DLX6: variants seen among roughly 807,000 people sequenced by gnomAD.
DLX6 encodes homeobox protein DLX-6.
DLX6 carries 4 observed loss-of-function variants against 33.5 expected under a neutral mutation model. The ratio of observed to expected loss-of-function variants is 0.12; its 90% CI spans 0.06 to 0.27. The LOEUF is 0.27. Ranked by LOEUF, DLX6 falls within the 10% of genes least tolerant of loss-of-function variation. DLX6 has a pLI of 1.00. For missense variants in DLX6, 382 were observed against 393.3 expected (o/e 0.97, Z 0.24); for synonymous variants, 184 against 164.8 (o/e 1.12, Z -0.89).
intron 2 of DLX6, among the ~76,000 whole-genome samples, chr7:97,008,550 A>G (rs934668273): frequency 2.0e-5 from 3 of 152,228 alleles, no homozygotes; most frequent in Admixed American, 6.5e-5. Context: ...AAGTTCTCCC[A>G]TCCTACTAAT....
chr7:97,010,372 T>A lies in DLX6; in HGVS notation c.*325T>A. ...ATCTCAGAGAGAGAGAAAGAGCATGTGTGAGAGAGAAACTGGTTTCTATGC... is the reference window on the plus strand; with the variant it reads ...ATCTCAGAGAGAGAGAAAGAGCATGAGTGAGAGAGAAACTGGTTTCTATGC... On this transcript the variant is annotated 3_prime_UTR_variant, in exon 3 of 3. Transcript: ENST00000518156. 1 of 256,220 alleles carries A rather than the reference T, an allele frequency of 3.9e-6. No individual in the cohort carries two copies. The highest frequency in any genetic ancestry group is 9.8e-5 in the South Asian group (1 of 10,192). 15.9% of individuals were successfully genotyped at this position (256,220 alleles called of 1,614,324 possible).
Position 97,010,752 on chromosome 7 carries a change from C to T in DLX6, c.*705C>T, listed in dbSNP as rs887724053. The T allele has an allele frequency of 6.6e-6, 1 of 151,050 alleles. No homozygotes were observed. Among genetic ancestry groups the T allele is most frequent in the Non-Finnish European group, 1.5e-5 (1 of 67,764 alleles). The allele number at this position is 151,050 out of a possible 1,614,324, so 9.4% of individuals were successfully genotyped here. On this transcript the variant is annotated 3_prime_UTR_variant, in exon 3 of 3. Coordinates refer to ENST00000518156, the MANE Select transcript of DLX6 (RefSeq NM_005222.4). The stretch of plus-strand genomic sequence containing the variant: ...GAATGCTGCATGTTTTATCAAAATG[C>T]AATGACCAGGAATGATGGTTGATTA...
At position 97,006,313 on chromosome 7, in the gene DLX6, G is replaced by C. The variant is rs1789729093; in HGVS notation, c.336G>C (p.Ser112=). Reference sequence around the variant, plus strand: ...GAGGGAACTCCTACAACCACCGCTCGCTCGCCGCCTACCCCTACATGAGCC... The same window carrying C: ...GAGGGAACTCCTACAACCACCGCTCCCTCGCCGCCTACCCCTACATGAGCC... The part of the protein sequence containing the change: ...SGGGNSYNHR[S]LAAYPYMSHS... The change falls in exon 1 of 3, where the codon TCG becomes TCC. Residue 112 remains serine, a synonymous_variant. Transcript: ENST00000518156. The C allele has an allele frequency of 3.3e-6, 5 of 1,522,400 alleles. No individual in the cohort carries two copies. Among genetic ancestry groups the C allele is most frequent in the African/African-American group, 2.8e-5 (2 of 70,916 alleles). 94.3% of individuals were successfully genotyped at this position (1,522,400 alleles called of 1,614,324 possible). A position where few individuals can be genotyped will look rare whatever the true frequency, so the allele number is the denominator to read the frequency against.
Position 97,006,105 on chromosome 7 carries a change from A to G in DLX6, c.128A>G (p.Gln43Arg). The G allele has an allele frequency of 6.5e-7, 1 of 1,543,804 alleles. No individual in the cohort carries two copies. The highest frequency in any genetic ancestry group is 8.7e-7 in the Non-Finnish European group (1 of 1,143,194). The change falls in exon 1 of 3, where the codon CAA becomes CGA. Residue 43 changes from glutamine (Q) to arginine (R), a missense_variant. Gln to Arg is a conservative substitution (Grantham distance 43, BLOSUM62 1). This residue lies in a region of DLX6 where 257 missense variants were observed against 206.9 expected (regional missense o/e 1.24). Transcript: ENST00000518156. ...QQQQQQQQQQ[Q>R]QPPPPPPPPP... ...CAGCAGCAGCAGCAGCAGCAACAGC[A>G]ACAGCCGCCGCCGCCGCCGCCGCCG... is the stretch of plus-strand genomic sequence containing the variant.
intron 2 of DLX6, 38 bp downstream of exon 2, chr7:97,007,869 G>A (rs1291895654): frequency 2.6e-6 from 4 of 1,523,226 alleles, no homozygotes; most frequent in Middle Eastern, 1.7e-4. Context: ...TGAAATGCTG[G>A]TACCGCTTGC....
At position 97,006,244 on chromosome 7, in the gene DLX6, C is replaced by G. The variant is rs761639852; in HGVS notation, c.267C>G (p.His89Gln). ...AAAAAGSHHHHHHQHHHHGSP... is the reference protein window; with the variant it reads ...AAAAAGSHHHQHHQHHHHGSP... ...CAGCGGCCGGCTCGCACCACCACCA[C>G]CACCACCAGCACCACCACCACGGCT... Residue 89 changes from histidine to glutamine, a missense_variant, in exon 1 of 3, where the codon CAC (histidine) becomes CAG (glutamine). By Grantham distance (24) the His-to-Gln change is conservative. This residue lies in a region of DLX6 where 257 missense variants were observed against 206.9 expected (regional missense o/e 1.24). Coordinates refer to ENST00000518156, the MANE Select transcript of DLX6 (RefSeq NM_005222.4). 3 of 1,521,996 alleles carry G rather than the reference C, an allele frequency of 2.0e-6. No homozygotes were observed. Among genetic ancestry groups the G allele is most frequent in the South Asian group, 2.5e-5 (2 of 80,410 alleles). The allele number at this position is 1,521,996 out of a possible 1,614,324, so 94.3% of individuals were successfully genotyped here.
chr7:97,008,641 C>T (rs1350222786), intron 2 of DLX6, among the ~76,000 whole-genome samples: 2 of 152,186 alleles, frequency 1.3e-5, no homozygotes, highest in East Asian at 1.9e-4. Context: ...AAAAGCCAGG[C>T]TGCAATCACC....
In DLX6 at chr7:97,009,916, C is replaced by A; in HGVS notation, c.751C>A (p.Leu251Met). The A allele has an allele frequency of 1.2e-6, 2 of 1,613,990 alleles. No homozygotes were observed. The highest frequency in any genetic ancestry group is 1.7e-6 in the Non-Finnish European group (2 of 1,179,878). ...SAALSPRSPALPPVWDVSASA... is the reference protein window; with the variant it reads ...SAALSPRSPAMPPVWDVSASA... ...GGCCCTGTCGCCACGCTCGCCAGCG[C>A]TGCCTCCAGTCTGGGACGTTTCTGC... The change falls in exon 3 of 3, where the codon CTG (leucine) becomes ATG (methionine). Residue 251 changes from leucine to methionine, a missense_variant. This residue lies in a region of DLX6 where 96 missense variants were observed against 93.3 expected (regional missense o/e 1.03). Transcript: ENST00000518156.
At chr7:97,007,873 C>T (rs1789772386) in intron 2 of DLX6, 42 bp downstream of exon 2, 6 of 1,513,610 alleles carry the variant, frequency 4.0e-6, no homozygotes, top group East Asian at 2.4e-5. Flanking sequence ...ATGCTGGTAC[C>T]GCTTGCAGAT....
chr7:97,010,980 A>T lies in DLX6; in HGVS notation c.*933A>T, dbSNP rs1197608132. Reference sequence around the variant, plus strand: ...GTATATATTGTTGAATTTTAGTTGTACATATACTTTGTATGTTTTTGTCTT... The same window carrying T: ...GTATATATTGTTGAATTTTAGTTGTTCATATACTTTGTATGTTTTTGTCTT... On this transcript the variant is annotated 3_prime_UTR_variant, in exon 3 of 3. Transcript: ENST00000518156. The T allele has an allele frequency of 2.0e-4, 31 of 152,636 alleles. No homozygotes were observed. The highest frequency in any genetic ancestry group is 2.9e-5 in the Non-Finnish European group (2 of 68,040). The allele number at this position is 152,636 out of a possible 1,614,324, so 9.5% of individuals were successfully genotyped here. A position where few individuals can be genotyped will look rare whatever the true frequency, so the allele number is the denominator to read the frequency against.
At position 97,006,169 on chromosome 7, in the gene DLX6, G is replaced by A. The variant is rs770534461; in HGVS notation, c.192G>A (p.Met64Ile). ...ACTCGCAGCAGAGCTCCCCGGCCAT[G>A]GCAGGCGCGCACTACCCTCTGCACT... ...QPHSQQSSPAMAGAHYPLHCL... is the reference protein window; with the variant it reads ...QPHSQQSSPAIAGAHYPLHCL... Residue 64 changes from methionine to isoleucine, a missense_variant, in exon 1 of 3, where the codon ATG (methionine) becomes ATA (isoleucine). Met to Ile is a conservative substitution (Grantham distance 10, BLOSUM62 1). Transcript: ENST00000518156. 24 of 1,543,768 alleles carry A rather than the reference G, an allele frequency of 1.6e-5. No homozygotes were observed. Among genetic ancestry groups the A allele is most frequent in the Non-Finnish European group, 1.9e-5 (22 of 1,141,932 alleles).
chr7:97,010,264 C>G lies in DLX6; in HGVS notation c.*217C>G, dbSNP rs975612513. 36 of 524,932 alleles carry G rather than the reference C, an allele frequency of 6.9e-5. No homozygotes were observed. The highest frequency in any genetic ancestry group is 1.1e-4 in the Non-Finnish European group (33 of 307,088). The allele number at this position is 524,932 out of a possible 1,614,324, so 32.5% of individuals were successfully genotyped here. ...TCCATTCCTTCTTTCTTTCCTTTTC[C>G]TTTCTACCTTTCTTTTCTTTTTGCC... On this transcript the variant is annotated 3_prime_UTR_variant, in exon 3 of 3. Transcript: ENST00000518156.
intron 2 of DLX6, among the ~76,000 whole-genome samples, chr7:97,008,999 T>TA (rs2115874107): frequency 6.6e-6 from 1 of 152,312 alleles, no homozygotes; most frequent in Admixed American, 6.5e-5. Context: ...TTGGCCTAGA[T>TA]ATGCTCCCAT....
In DLX6 at chr7:97,009,853, A is replaced by G. The variant is rs755697691; in HGVS notation, c.688A>G (p.Ser230Gly). ...SKFKKLLKQGSNPHESDPLQG... is the reference protein window; with the variant it reads ...SKFKKLLKQGGNPHESDPLQG... ...GTTTAAGAAACTGCTGAAGCAGGGC[A>G]GTAATCCTCATGAGAGCGACCCCCT... Residue 230 changes from serine (S) to glycine (G), a missense_variant, in exon 3 of 3, where the codon AGT (serine) becomes GGT (glycine). Physicochemically the swap from Ser to Gly is moderately conservative, Grantham distance 56 (BLOSUM62 0). Around this residue, in one of 4 missense-constraint regions of DLX6, gnomAD observed 96 missense variants for 93.3 expected, o/e 1.03. Coordinates refer to ENST00000518156, the MANE Select transcript of DLX6 (RefSeq NM_005222.4). The G allele has an allele frequency of 9.9e-6, 16 of 1,613,942 alleles. No homozygotes were observed. Among genetic ancestry groups the G allele is most frequent in the Non-Finnish European group, 1.4e-5 (16 of 1,179,916 alleles).
Position 97,006,051 on chromosome 7 carries a change from GGCAGCAGCAGCAGCAGCA to G in DLX6, c.81_98del (p.Gln39_Gln44del), listed in dbSNP as rs530625473. ...TCCAAATCCGCCTTCATGGAGTTCG[GGCAGCAGCAGCAGCAGCA>G]GCAGCAACAGCAGCAGCAGCAGCAG... On this transcript the variant is annotated inframe_deletion, in exon 1 of 3. Coordinates refer to ENST00000518156, the MANE Select transcript of DLX6 (RefSeq NM_005222.4). 17 of 1,582,054 alleles carry G rather than the reference GGCAGCAGCAGCAGCAGCA, an allele frequency of 1.1e-5. No individual in the cohort carries two copies. Among genetic ancestry groups the G allele is most frequent in the Admixed American group, 5.3e-5 (3 of 56,242 alleles).
intron 1 of DLX6, 97 bp downstream of exon 1, chr7:97,006,510 C>A: frequency 2.5e-6 from 3 of 1,203,792 alleles, no homozygotes; most frequent in Non-Finnish European, 2.1e-6. Context: ...CTCCGCCGGC[C>A]CCCTCCCCCA....
chr7:97,008,201 T>A (rs1230779284), intron 2 of DLX6, among the ~76,000 whole-genome samples: 1 of 152,198 alleles, frequency 6.6e-6, no homozygotes, highest in African/African-American at 2.4e-5. Context: ...TCAACTTTTT[T>A]AAGGATCCTT....
Position 97,006,082 on chromosome 7 carries a change from G to GCAGCAGCAGCAGCAGCAACAGCAA in DLX6, c.110_133dup (p.Gln37_Gln44dup), listed in dbSNP as rs1562791163. 4 of 1,556,588 alleles carry GCAGCAGCAGCAGCAGCAACAGCAA rather than the reference G, an allele frequency of 2.6e-6. No individual in the cohort carries two copies. Among genetic ancestry groups the GCAGCAGCAGCAGCAGCAACAGCAA allele is most frequent in the Non-Finnish European group, 3.5e-6 (4 of 1,151,188 alleles). On this transcript the variant is annotated inframe_insertion, in exon 1 of 3. Coordinates refer to ENST00000518156, the MANE Select transcript of DLX6 (RefSeq NM_005222.4). The stretch of plus-strand genomic sequence containing the variant: ...AGCAGCAGCAGCAGCAGCAACAGCA[G>GCAGCAGCAGCAGCAGCAACAGCAA]CAGCAGCAGCAGCAGCAACAGCAAC...
Position 97,005,843 on chromosome 7 carries a change from CTTTTTTT to C in DLX6, c.-117_-111del, listed in dbSNP as rs753838572. On this transcript the variant is annotated 5_prime_UTR_variant, in exon 1 of 3. Coordinates refer to ENST00000518156, the MANE Select transcript of DLX6 (RefSeq NM_005222.4). ...CCACCTCCACCCCCCTCTTTAAATT[CTTTTTTT>C]TTTTTTTTTTTTTTTTTGCAAGGAT... 0.019 allele frequency: 4,237 copies of C among 226,420 alleles called. 46 individuals are homozygous for C. The highest frequency in any genetic ancestry group is 0.067 in the African/African-American group (1,310 of 19,560). The allele number at this position is 226,420 out of a possible 1,614,324, so 14.0% of individuals were successfully genotyped here.
Sources: allele counts gnomAD v4.1 joint callset (sites outside exome capture counted in the v4.1 genomes callset), GRCh38; gene constraint gnomAD v4.1.1; regional missense constraint gnomAD v4.1.1; transcripts MANE v1.5; gene names NCBI Gene and HGNC (gene_info 2026-07-23, HGNC 2026-07-21).